The following CALN1 variants were observed in gnomAD, a reference collection of about 807,000 sequenced individuals.
CALN1 encodes the protein calneuron 1, also known as calcium-binding protein 8.
A neutral mutation model predicts 30.6 loss-of-function variants in CALN1; 17 were observed. The observed-to-expected ratio is 0.56, with a 90% confidence interval of 0.38 to 0.83. The LOEUF is 0.83. Among genes scored for constraint, CALN1 ranks in the 40% least tolerant of loss-of-function variants. The pLI is 0.00. For missense variants in CALN1, 291 were observed against 354.9 expected (o/e 0.82, Z 1.45); for synonymous variants, 156 against 131.4 (o/e 1.19, Z -1.28).
chr7:72,045,629 G>A (rs1802416706), intron 4 of CALN1, among the ~76,000 whole-genome samples: 1 of 152,078 alleles, frequency 6.6e-6, no homozygotes, highest in African/African-American at 2.4e-5. Flanking sequence ...CCAAGGCTAA[G>A]GCAATTCTCC....
At chr7:72,235,439 G>A (rs1048092265) in intron 3 of CALN1, among the ~76,000 whole-genome samples, 13 of 152,084 alleles carry the variant, frequency 8.5e-5, no homozygotes, top group Non-Finnish European at 8.8e-5. Context: ...AATCTACATT[G>A]AAGGCAACTC....
intron 5 of CALN1, among the ~76,000 whole-genome samples, chr7:71,965,557 A>T (rs546137416): frequency 6.7e-5 from 10 of 150,038 alleles, no homozygotes; most frequent in African/African-American, 2.4e-4. Context: ...CTGCTATTTG[A>T]AAAACAGTAA....
At chr7:72,239,693 GA>G (rs5884877) in intron 3 of CALN1, among the ~76,000 whole-genome samples, 101,464 of 151,160 alleles carry the variant, frequency 0.67, 34,497 homozygotes, top group East Asian at 1. Flanking sequence ...GGATGCTACA[GA>G]AAAAAAAAAT....
At chr7:72,438,179 G>A (rs550323877) in intron 1 of CALN1, among the ~76,000 whole-genome samples, 10 of 151,648 alleles carry the variant, frequency 6.6e-5, no homozygotes, top group East Asian at 5.8e-4. Flanking sequence ...ATGAGGTCTC[G>A]CTATGGTGCC....
chr7:72,096,284 C>A (rs1806226762), intron 4 of CALN1, among the ~76,000 whole-genome samples: 1 of 152,132 alleles, frequency 6.6e-6, no homozygotes. Context: ...ACAGGGGTGA[C>A]TGAACCCCTA....
intron 2 of CALN1, among the ~76,000 whole-genome samples, chr7:72,382,065 G>A (rs970266182): frequency 5.9e-5 from 9 of 152,206 alleles, no homozygotes; most frequent in African/African-American, 1.4e-4. Flanking sequence ...TGGGTGGAGG[G>A]GATAAAATCA....
chr7:72,318,851 T>A (rs1359237557), intron 2 of CALN1, among the ~76,000 whole-genome samples: 1 of 150,516 alleles, frequency 6.6e-6, no homozygotes, highest in Non-Finnish European at 1.5e-5. Flanking sequence ...GAATGGCTAT[T>A]ATTAAAAAGT....
intron 2 of CALN1, among the ~76,000 whole-genome samples, chr7:72,376,368 T>C (rs1210495100): frequency 6.6e-6 from 1 of 152,214 alleles, no homozygotes; most frequent in East Asian, 1.9e-4. Context: ...AGGTTTACAA[T>C]GTCTCCGCAT....
intron 4 of CALN1, among the ~76,000 whole-genome samples, chr7:72,081,417 G>GTGTGTGTC (rs145997789): frequency 3.4e-5 from 5 of 146,290 alleles, no homozygotes; most frequent in Admixed American, 6.8e-5. Flanking sequence ...GTGTGTGTGT[G>GTGTGTGTC]TGTGTGTTTG....
chr7:72,471,780 G>C, the CALN1 span, among the ~76,000 whole-genome samples: 1 of 152,112 alleles, frequency 6.6e-6, no homozygotes, highest in Non-Finnish European at 1.5e-5. Context: ...CCACCACGTG[G>C]GGCGTCACAA....
At chr7:72,337,329 C>A (rs1297722442) in intron 2 of CALN1, 1 of 965,404 alleles carries the variant, frequency 1.0e-6, no homozygotes, top group Non-Finnish European at 1.2e-6. Flanking sequence ...GGGGAGCCCC[C>A]ACCCCCCAAC....
chr7:72,054,442 T>TATAC (rs1563015429), intron 4 of CALN1, among the ~76,000 whole-genome samples: 2 of 74,834 alleles, frequency 2.7e-5, no homozygotes, highest in African/African-American at 9.1e-5. Context: ...CGTATATATA[T>TATAC]ATATACATAT....
chr7:71,930,539 G>A (rs541919299), intron 5 of CALN1, among the ~76,000 whole-genome samples: 67 of 152,262 alleles, frequency 4.4e-4, no homozygotes, highest in African/African-American at 1.5e-3. Flanking sequence ...TCTTGATAGT[G>A]TCTTTTTAAA....
chr7:71,794,738 A>C (rs899200605), intron 6 of CALN1, among the ~76,000 whole-genome samples: 4 of 152,210 alleles, frequency 2.6e-5, no homozygotes, highest in Non-Finnish European at 4.4e-5. Flanking sequence ...AGCCTACAGC[A>C]CGAGGCTGAG....
intron 6 of CALN1, among the ~76,000 whole-genome samples, chr7:71,808,137 GTACCTAACCATGGTTAGA>G: frequency 1.3e-5 from 2 of 151,844 alleles, no homozygotes; most frequent in African/African-American, 4.8e-5. Context: ...TAATGGTTAG[GTACCTAACCATGGTTAGA>G]TAATACCATA....
chr7:71,904,699 T>C (rs1352879094), intron 5 of CALN1, among the ~76,000 whole-genome samples: 7 of 152,292 alleles, frequency 4.6e-5, no homozygotes, highest in Middle Eastern at 6.8e-3. Context: ...AAATGCATTC[T>C]CCACAAAAAT....
At chr7:71,989,406 T>G (rs958946030) in intron 5 of CALN1, among the ~76,000 whole-genome samples, 2 of 149,226 alleles carry the variant, frequency 1.3e-5, no homozygotes, top group Admixed American at 1.4e-4. Flanking sequence ...ATCACTGTAC[T>G]CCAGCCTGGG....
At chr7:72,480,363 A>T in the CALN1 span, among the ~76,000 whole-genome samples, 1 of 152,006 alleles carries the variant, frequency 6.6e-6, no homozygotes, top group Non-Finnish European at 1.5e-5. Context: ...AACGTTTTTA[A>T]TCTTTCATCT....
chr7:72,257,449 A>C (rs936147009), intron 3 of CALN1, among the ~76,000 whole-genome samples: 3 of 143,206 alleles, frequency 2.1e-5, no homozygotes, highest in African/African-American at 8.3e-5. Context: ...ACAATTTTAA[A>C]AATAAAAAAA....
Sources: gnomAD v4.1 joint callset for allele counts (sites outside exome capture counted in the v4.1 genomes callset) on GRCh38, gnomAD v4.1.1 for gene constraint, MANE v1.5 for transcripts, NCBI Gene and HGNC (gene_info 2026-07-23, HGNC 2026-07-21) for gene names.